SLC25A48: variants seen among roughly 807,000 people sequenced by gnomAD.
SLC25A48 encodes CTC-321K16.1.
In SLC25A48, 29 loss-of-function variants were observed where a neutral mutation model predicts 32.2. The ratio of observed to expected loss-of-function variants is 0.90; its 90% CI spans 0.67 to 1.23. The LOEUF (loss-of-function observed/expected upper bound fraction) is 1.23. Ranked by LOEUF, SLC25A48 falls within the 50% of genes most tolerant of loss-of-function variation. SLC25A48 has a pLI of 0.00. For missense variants in SLC25A48, 399 were observed against 422.7 expected (o/e 0.94, Z 0.49); for synonymous variants, 164 against 172.3 (o/e 0.95, Z 0.38).
intron 4 of SLC25A48, among the ~76,000 whole-genome samples, chr5:135,819,563 C>G (rs528195709): frequency 6.6e-6 from 1 of 152,178 alleles, no homozygotes. Flanking sequence ...TCTGGAGTGA[C>G]AGCAGATCAA....
chr5:135,679,633 G>T (rs2126948831), intron 3 of SLC25A48, among the ~76,000 whole-genome samples: 1 of 152,330 alleles, frequency 6.6e-6, no homozygotes, highest in South Asian at 2.1e-4. Context: ...CTTTGCTGCT[G>T]GGGCCAGTGA....
chr5:135,759,568 A>C (rs1408417432), intron 3 of SLC25A48, among the ~76,000 whole-genome samples: 1 of 152,120 alleles, frequency 6.6e-6, no homozygotes, highest in Admixed American at 6.6e-5. Flanking sequence ...GGATGCCCCT[A>C]CTCACAGCCA....
chr5:135,880,017 G>T lies in SLC25A48; in HGVS notation c.863G>T (p.Ser288Ile), dbSNP rs923227921. The T allele has an allele frequency of 5.9e-6, 9 of 1,536,264 alleles. No individual in the cohort carries two copies. In the African/African-American group the frequency reaches 1.2e-4, roughly 21 times the overall value. ...AACGCGGTGCGGGGCTTCCCCATGA[G>T]TGCGGCCATGTTCCTTGGGTACGAG... ...TVNAVRGFPMSAAMFLGYELS... is the reference protein window; with the variant it reads ...TVNAVRGFPMIAAMFLGYELS... The change falls in exon 7 of 8, where the codon AGT (serine) becomes ATT (isoleucine). Residue 288 changes from serine (S) to isoleucine (I), a missense_variant. Transcript: ENST00000681962.
intron 3 of SLC25A48, among the ~76,000 whole-genome samples, chr5:135,740,854 C>G (rs757934677): frequency 1.4e-4 from 21 of 152,176 alleles, no homozygotes; most frequent in Non-Finnish European, 2.9e-5. Flanking sequence ...CTCTGCATGC[C>G]TTGCCTCTCA....
chr5:135,720,783 G>T (rs1754932508), intron 3 of SLC25A48, among the ~76,000 whole-genome samples: 1 of 152,162 alleles, frequency 6.6e-6, no homozygotes, highest in Non-Finnish European at 1.5e-5. Context: ...GGGGAGTGGA[G>T]CAGGGTGGTG....
intron 3 of SLC25A48, among the ~76,000 whole-genome samples, chr5:135,746,798 C>T (rs1755651892): frequency 6.6e-6 from 1 of 152,156 alleles, no homozygotes; most frequent in African/African-American, 2.4e-5. Context: ...ACCCTAGATT[C>T]ACTCATTGCC....
At chr5:135,677,246 G>A (rs1753793241) in intron 3 of SLC25A48, among the ~76,000 whole-genome samples, 1 of 151,968 alleles carries the variant, frequency 6.6e-6, no homozygotes, top group Admixed American at 6.5e-5. Context: ...TCAGACATAA[G>A]TAAAGCTACT....
chr5:135,779,047 C>T (rs370265519), intron 3 of SLC25A48, among the ~76,000 whole-genome samples: 2 of 151,720 alleles, frequency 1.3e-5, no homozygotes. Context: ...ATATTACTTC[C>T]AATATCACAG....
At chr5:135,864,350 T>C (rs1761032411) in intron 4 of SLC25A48, among the ~76,000 whole-genome samples, 1 of 152,196 alleles carries the variant, frequency 6.6e-6, no homozygotes, top group Non-Finnish European at 1.5e-5. Context: ...AATATTCTTC[T>C]CCAGGCAGGT....
At chr5:135,655,561 A>G (rs1753225420) in intron 3 of SLC25A48, among the ~76,000 whole-genome samples, 1 of 152,106 alleles carries the variant, frequency 6.6e-6, no homozygotes, top group South Asian at 2.1e-4. Flanking sequence ...TGAGTTTCCT[A>G]TCCTCTCAGG....
intron 7 of SLC25A48, among the ~76,000 whole-genome samples, chr5:135,886,200 A>G (rs1206612725): frequency 2.0e-5 from 3 of 152,104 alleles, no homozygotes; most frequent in Non-Finnish European, 2.9e-5. Context: ...CTTATTGCAG[A>G]GCTAGGGCTC....
At chr5:135,648,876 C>T (rs1753033893) in intron 3 of SLC25A48, 1 of 152,302 alleles carries the variant, frequency 6.6e-6, no homozygotes, top group African/African-American at 2.4e-5. Context: ...CAGGAGAAGA[C>T]AAGGCACTAG....
intron 3 of SLC25A48, among the ~76,000 whole-genome samples, chr5:135,675,694 G>A (rs114204796): frequency 0.013 from 1,976 of 151,910 alleles, 39 homozygotes; most frequent in African/African-American, 0.041. Context: ...AGCTTTTATC[G>A]GTTCCATATG....
chr5:135,726,094 T>TA (rs936408105), intron 3 of SLC25A48, among the ~76,000 whole-genome samples: 3 of 152,216 alleles, frequency 2.0e-5, no homozygotes, highest in Non-Finnish European at 4.4e-5. Context: ...GCACCACACT[T>TA]ACGACTATAG....
chr5:135,810,783 G>A (rs149076738), intron 3 of SLC25A48, among the ~76,000 whole-genome samples: 2 of 152,288 alleles, frequency 1.3e-5, no homozygotes, highest in Admixed American at 6.5e-5. Context: ...GAACGCCTTC[G>A]CTTTTTATTA....
intron 4 of SLC25A48, among the ~76,000 whole-genome samples, chr5:135,856,293 T>G (rs948036200): frequency 6.6e-6 from 1 of 152,128 alleles, no homozygotes; most frequent in African/African-American, 2.4e-5. Flanking sequence ...AGACATCTGA[T>G]GGGGCTGACA....
At chr5:135,684,898 G>A (rs1753981833) in intron 3 of SLC25A48, among the ~76,000 whole-genome samples, 1 of 152,114 alleles carries the variant, frequency 6.6e-6, no homozygotes, top group Admixed American at 6.5e-5. Context: ...GTTCTGCAGT[G>A]TAGATTTATC....
intron 3 of SLC25A48, among the ~76,000 whole-genome samples, chr5:135,776,485 TA>T (rs1756565673): frequency 6.6e-6 from 1 of 151,962 alleles, no homozygotes; most frequent in Admixed American, 6.6e-5. Context: ...CCCTTTGTGA[TA>T]TTTTTCCTAA....
At chr5:135,854,006 T>G (rs1760107831) in intron 4 of SLC25A48, among the ~76,000 whole-genome samples, 1 of 152,214 alleles carries the variant, frequency 6.6e-6, no homozygotes, top group African/African-American at 2.4e-5. Flanking sequence ...CCACCAGAAC[T>G]CTTGGGTGAC....
Sources: allele counts gnomAD v4.1 joint callset (sites outside exome capture counted in the v4.1 genomes callset), GRCh38; gene constraint gnomAD v4.1.1; transcripts MANE v1.5; gene names NCBI Gene and HGNC (gene_info 2026-07-23, HGNC 2026-07-21).